The following UBOX5 variants were observed in gnomAD, a reference collection of about 807,000 sequenced individuals.
The protein encoded by UBOX5 is RING finger protein 37.
UBOX5 carries 28 observed loss-of-function variants against 39.0 expected under a neutral mutation model. The observed-to-expected ratio is 0.72, with a 90% CI of 0.53 to 0.98. The LOEUF (loss-of-function observed/expected upper bound fraction) is 0.98, where lower values mean the gene tolerates loss of function less well. Ranked by LOEUF, UBOX5 falls within the 50% of genes least tolerant of loss-of-function variation. UBOX5 has a pLI of 0.00. For missense variants in UBOX5, 585 were observed against 674.4 expected (o/e 0.87, Z 1.47); for synonymous variants, 283 against 275.5 (o/e 1.03, Z -0.27).
chr20:3,153,180 A>G (rs1404951031), intron 1 of UBOX5, among the ~76,000 whole-genome samples: 1 of 152,254 alleles, frequency 6.6e-6, no homozygotes, highest in Non-Finnish European at 1.5e-5. Context: ...ATTCTACCTA[A>G]GAGTACTTAA....
intron 1 of UBOX5, chr20:3,148,027 A>C (rs906956103): frequency 1.2e-6 from 2 of 1,614,212 alleles, no homozygotes. Flanking sequence ...TCAGATGCTG[A>C]ATGTTAGCAC....
At chr20:3,143,493 A>C (rs1212549983) in intron 1 of UBOX5, among the ~76,000 whole-genome samples, 1 of 152,052 alleles carries the variant, frequency 6.6e-6, no homozygotes, top group Non-Finnish European at 1.5e-5. Context: ...AAAGAATAAA[A>C]TAATTAGGAA....
intron 1 of UBOX5, among the ~76,000 whole-genome samples, chr20:3,135,446 G>C (rs1161601604): frequency 6.6e-6 from 1 of 152,170 alleles, no homozygotes; most frequent in Non-Finnish European, 1.5e-5. Context: ...ATGCCACTTA[G>C]CTATGGAGGT....
chr20:3,135,546 T>G (rs857251), intron 1 of UBOX5, among the ~76,000 whole-genome samples: 17 of 151,960 alleles, frequency 1.1e-4, no homozygotes, highest in African/African-American at 3.1e-4. Flanking sequence ...CTTCACTTAG[T>G]AGGCTGAGGT....
intron 1 of UBOX5, among the ~76,000 whole-genome samples, chr20:3,140,132 C>T (rs574492424): frequency 6.8e-4 from 101 of 149,240 alleles, no homozygotes; most frequent in African/African-American, 2.2e-3. Flanking sequence ...AGCGATTGTC[C>T]TGTCTCAGCC....
chr20:3,133,491 CCT>C (rs2066445347), intron 1 of UBOX5, among the ~76,000 whole-genome samples: 1 of 151,858 alleles, frequency 6.6e-6, no homozygotes. Flanking sequence ...GCTAATGTGC[CCT>C]GCTTTCAGAG....
In UBOX5 at chr20:3,112,907, A is replaced by G. The variant is rs1204159473; in HGVS notation, c.1417+2398T>C. 2.6e-5 allele frequency among the ~76,000 whole-genome samples: 4 copies of G among 152,102 alleles called. No homozygotes were observed. The East Asian group carries it at 7.7e-4, about 29-fold the overall frequency. ...CTTGAACCAGGGAGAAAGAGGTTGC[A>G]GTGAGCCAGGATTGTGCCACTGCAC... is the stretch of plus-strand genomic sequence containing the variant. On this transcript the variant is annotated intron_variant, in intron 4 of 4. Transcript: ENST00000217173.
chr20:3,150,601 C>A (rs41304822), intron 1 of UBOX5: 14,357 of 152,234 alleles, frequency 0.094, 753 homozygotes, highest in Middle Eastern at 0.13. Context: ...CCAGACAGGG[C>A]TGTTGCTGCA....
At chr20:3,142,477 G>A (rs1240750049) in intron 1 of UBOX5, among the ~76,000 whole-genome samples, 1 of 151,890 alleles carries the variant, frequency 6.6e-6, no homozygotes, top group Admixed American at 6.6e-5. Context: ...AGTGGTGGGT[G>A]CCTATAATCC....
chr20:3,148,040 G>C, intron 1 of UBOX5: 1 of 1,614,148 alleles, frequency 6.2e-7, no homozygotes, highest in Non-Finnish European at 8.5e-7. Context: ...GTTAGCACAA[G>C]CCAAGTCTCC....
At chr20:3,155,616 T>A (rs1252244638) in intron 1 of UBOX5, among the ~76,000 whole-genome samples, 3 of 152,202 alleles carry the variant, frequency 2.0e-5, no homozygotes. Context: ...ACCATGTACA[T>A]GTACAATTTT....
At chr20:3,146,979 C>T in intron 1 of UBOX5, 1 of 1,614,178 alleles carries the variant, frequency 6.2e-7, no homozygotes, top group Non-Finnish European at 8.5e-7. Context: ...AACTGAACAG[C>T]CAGCTTCATT....
chr20:3,157,486 T>C (rs377614224), intron 1 of UBOX5, among the ~76,000 whole-genome samples: 2 of 152,200 alleles, frequency 1.3e-5, no homozygotes, highest in African/African-American at 4.8e-5. Context: ...ACACAGCCCT[T>C]CCGCTTCTCT....
Position 3,121,660 on chromosome 20 carries a change from G to A in UBOX5, c.979C>T (p.Arg327Trp), listed in dbSNP as rs775813792. Residue 327 changes from arginine (R) to tryptophan (W), a missense_variant, in exon 3 of 5, where the codon CGG (arginine) becomes TGG (tryptophan). By Grantham distance (101) the Arg-to-Trp change is moderately radical. Coordinates refer to ENST00000217173, the MANE Select transcript of UBOX5 (RefSeq NM_014948.4). ...QPLPHPSLKA[R>W]IDHFLLQHSI... ...TGCTGGAGCAGGAAATGGTCAATCCGGGCCTTGAGGGAGGGGTGAGGCAGG... is the reference window on the plus strand; with the variant it reads ...TGCTGGAGCAGGAAATGGTCAATCCAGGCCTTGAGGGAGGGGTGAGGCAGG... 6.8e-6 allele frequency: 11 copies of A among 1,613,488 alleles called. No individual in the cohort carries two copies. The highest frequency in any genetic ancestry group is 4.5e-5 in the East Asian group (2 of 44,830).
rs558164028 is a variant in UBOX5, at chr20:3,109,972, T to C, written c.*134A>G. On this transcript the variant is annotated 3_prime_UTR_variant, in exon 5 of 5. Coordinates refer to ENST00000217173, the MANE Select transcript of UBOX5 (RefSeq NM_014948.4). ...AGCAATGTGCTATACCGTGAGGTGA[T>C]GAAGAAGAGCCCCGGGAGGGAGCAG... is the stretch of plus-strand genomic sequence containing the variant. 7.8e-6 allele frequency: 8 copies of C among 1,022,002 alleles called. No homozygotes were observed. The highest frequency in any genetic ancestry group is 7.3e-5 in the South Asian group (5 of 68,930). 63.3% of individuals were successfully genotyped at this position (1,022,002 alleles called of 1,614,324 possible). A position where few individuals can be genotyped will look rare whatever the true frequency, so the allele number is the denominator to read the frequency against.
At position 3,142,576 on chromosome 20, in the gene UBOX5, C is replaced by G. The variant is rs145418030; in HGVS notation, c.-42+17190G>C. ...CTGAGATCGTGCTACTACACTCCAG[C>G]CTGGGTGACAGAGTGAGACTCCGTC... On this transcript the variant is annotated intron_variant, in intron 1 of 4. Coordinates refer to ENST00000217173, the MANE Select transcript of UBOX5 (RefSeq NM_014948.4). Among the ~76,000 whole-genome samples the G allele has an allele frequency of 4.7e-3, 699 of 148,862 alleles. 2 individuals carry two copies. The highest frequency in any genetic ancestry group is 7.0e-3 in the Non-Finnish European group (473 of 67,388).
intron 1 of UBOX5, among the ~76,000 whole-genome samples, chr20:3,135,261 C>T (rs1237832297): frequency 6.6e-6 from 1 of 152,152 alleles, no homozygotes; most frequent in Non-Finnish European, 1.5e-5. Context: ...TGCCTGATCT[C>T]ATGGACAACT....
intron 1 of UBOX5, among the ~76,000 whole-genome samples, chr20:3,145,155 A>G (rs2066549294): frequency 6.6e-6 from 1 of 151,816 alleles, no homozygotes; most frequent in South Asian, 2.1e-4. Flanking sequence ...TGAAGCTTTG[A>G]GAGCCTTTTT....
chr20:3,148,120 C>T (rs1012258884), intron 1 of UBOX5: 3 of 1,613,896 alleles, frequency 1.9e-6, no homozygotes, highest in Admixed American at 1.7e-5. Flanking sequence ...TGGTACCAAC[C>T]TCCTCCAAAT....
Sources: allele counts gnomAD v4.1 joint callset (sites outside exome capture counted in the v4.1 genomes callset), GRCh38; gene constraint gnomAD v4.1.1; transcripts MANE v1.5; gene names NCBI Gene and HGNC (gene_info 2026-07-23, HGNC 2026-07-21).